BCOR: variants seen among roughly 807,000 people sequenced by gnomAD.
The protein encoded by BCOR is BCL-6 corepressor.
In BCOR, 10 loss-of-function variants were observed where a neutral mutation model predicts 86.7. The observed-to-expected ratio is 0.12, with a 90% CI of 0.07 to 0.20. The LOEUF (loss-of-function observed/expected upper bound fraction) is 0.20, where lower values mean the gene tolerates loss of function less well. BCOR is among the 10% of genes least tolerant of loss of function. The pLI, the probability that BCOR is intolerant of heterozygous loss-of-function variation, is 1.00. For missense variants in BCOR, 1,259 were observed against 1,452.1 expected (o/e 0.87, Z 2.16); for synonymous variants, 611 against 609.0 (o/e 1.00, Z -0.05).
chrX:40,110,671 T>C (rs1229696445), intron 1 of BCOR, among the ~76,000 whole-genome samples: 23 of 4,588 alleles, frequency 5.0e-3, no homozygotes, highest in Non-Finnish European at 7.6e-3. Flanking sequence ...CTTTTTCTTT[T>C]TTTTTTTTTT....
At position 40,126,553 on chromosome X, in the gene BCOR, A is replaced by G. The variant is rs187693760; in HGVS notation, c.-40-48584T>C. ...AAAAAAAAAAGAAAAGAAAAGAAAA[A>G]AAACCACGAAAACAACAACAAAAAA... is the stretch of plus-strand genomic sequence containing the variant. On this transcript the variant is annotated intron_variant, in intron 1 of 14. Coordinates refer to the BCOR transcript ENST00000342274. Among the ~76,000 whole-genome samples, 450 of 110,565 alleles carry G rather than the reference A, an allele frequency of 4.1e-3. 1 individual carries two copies. The highest frequency in any genetic ancestry group is 6.0e-3 in the Non-Finnish European group (314 of 52,752).
At chrX:40,175,070 C>G (rs1284736568) in intron 1 of BCOR, among the ~76,000 whole-genome samples, 2 of 111,465 alleles carry the variant, frequency 1.8e-5, no homozygotes, top group Non-Finnish European at 3.8e-5. Flanking sequence ...CCTCCCCAAG[C>G]ACCAGGAACG....
chrX:40,062,789 A>G lies in BCOR; in HGVS notation c.4130T>C (p.Leu1377Ser), dbSNP rs947103197. ...CACGTAGTATTCCCCTGTCAGTGGC[A>G]ATCCCCGCCTGGACTCCTGAGGGAT... ...HLIPQESRRG[L>S]PLTGEYYVEN... The change falls in exon 9 of 15, where the codon TTG becomes TCG. Residue 1377 changes from leucine to serine, a missense_variant. Around this residue, in one of 7 missense-constraint regions of BCOR, gnomAD observed 305 missense variants for 286.1 expected, o/e 1.07. Transcript: ENST00000378444. 8.3e-7 allele frequency: 1 copy of G among 1,209,516 alleles called. No homozygotes were observed. The highest frequency in any genetic ancestry group is 1.8e-5 in the African/African-American group (1 of 56,964).
rs778248293 is a variant in BCOR, at chrX:40,062,159, C to A, written c.4408G>T (p.Ala1470Ser). 8.3e-7 allele frequency: 1 copy of A among 1,203,091 alleles called. No individual in the cohort carries two copies. Among genetic ancestry groups the A allele is most frequent in the South Asian group, 1.8e-5 (1 of 55,475 alleles). The change falls in exon 10 of 15, where the codon GCA becomes TCA. Residue 1470 changes from alanine to serine, a missense_variant. By Grantham distance (99) the Ala-to-Ser change is moderately conservative. Transcript: ENST00000378444. ...KNAGETLLQR[A>S]ARLGYEEVVL... ...CACACCTCATAGCCAAGCCTGGCTG[C>A]CCGCTGCAGAAGGGTCTCGCCAGCG...
At chrX:40,140,243 A>C (rs1477408043) in intron 1 of BCOR, among the ~76,000 whole-genome samples, 1 of 106,689 alleles carries the variant, frequency 9.4e-6, no homozygotes, top group Admixed American at 1.0e-4. Context: ...GGATCACTTG[A>C]GCCCAGGAGT....
chrX:40,073,567 G>C lies in BCOR; in HGVS notation c.1779C>G (p.Ser593=), dbSNP rs17145652. 1.7e-6 allele frequency: 2 copies of C among 1,212,120 alleles called. No individual in the cohort carries two copies. The highest frequency in any genetic ancestry group is 2.2e-6 in the Non-Finnish European group (2 of 895,647). The part of the protein sequence containing the change: ...TSRSSVETTP[S]VIQHVGQPPA... Reference sequence around the variant, plus strand: ...GGGGCTGGCCCACGTGCTGAATAACGGATGGTGTGGTTTCTACAGAGCTCC... The same window carrying C: ...GGGGCTGGCCCACGTGCTGAATAACCGATGGTGTGGTTTCTACAGAGCTCC... Residue 593 remains serine, a synonymous_variant, in exon 4 of 15, where the codon TCC becomes TCG. Transcript: ENST00000378444.
chrX:40,074,922 G>A lies in BCOR; in HGVS notation c.424C>T (p.Pro142Ser). Residue 142 changes from proline to serine, a missense_variant, in exon 4 of 15, where the codon CCA (proline) becomes TCA (serine). Around this residue, in one of 7 missense-constraint regions of BCOR, gnomAD observed 174 missense variants for 189.3 expected, o/e 0.92. Coordinates refer to ENST00000378444, the MANE Select transcript of BCOR (RefSeq NM_001123385.2). ...VEASAVSGKP[P>S]NGFSAIYKTP... is the part of the protein sequence containing the mutation. ...TTGTATATAGCACTGAAGCCATTTG[G>A]GGGTTTTCCAGAGACGGCAGAAGCC... is the stretch of plus-strand genomic sequence containing the variant. The A allele has an allele frequency of 2.5e-6, 3 of 1,211,147 alleles. No homozygotes were observed. The highest frequency in any genetic ancestry group is 3.4e-6 in the Non-Finnish European group (3 of 895,356).
intron 1 of BCOR, among the ~76,000 whole-genome samples, chrX:40,092,463 G>GAA (rs1245697893): frequency 2.9e-5 from 3 of 101,802 alleles, no homozygotes; most frequent in African/African-American, 1.1e-4. Flanking sequence ...TCCTCCAGAG[G>GAA]AAAAAAAAAA....
At chrX:40,162,480 C>A (rs897366120) in intron 1 of BCOR, among the ~76,000 whole-genome samples, 2 of 111,227 alleles carry the variant, frequency 1.8e-5, no homozygotes, top group East Asian at 5.6e-4. Context: ...CCAGATACAT[C>A]CTGGGAAGCC....
At chrX:40,096,518 T>C (rs1357718295) in intron 1 of BCOR, among the ~76,000 whole-genome samples, 1 of 111,930 alleles carries the variant, frequency 8.9e-6, no homozygotes, top group Non-Finnish European at 1.9e-5. Context: ...TTAGTAGTTT[T>C]TTTTTTTAAT....
At chrX:40,094,136 T>C (rs934312524) in intron 1 of BCOR, among the ~76,000 whole-genome samples, 2 of 111,049 alleles carry the variant, frequency 1.8e-5, no homozygotes, top group African/African-American at 6.6e-5. Context: ...CACCACGGCC[T>C]TTAAAGGGTT....
intron 11 of BCOR, among the ~76,000 whole-genome samples, chrX:40,056,471 G>A (rs1934606707): frequency 9.0e-6 from 1 of 111,001 alleles, no homozygotes; most frequent in Non-Finnish European, 1.9e-5. Flanking sequence ...GCAGGATACA[G>A]AGGCCTCCTA....
intron 1 of BCOR, among the ~76,000 whole-genome samples, chrX:40,083,592 G>A (rs1406648522): frequency 1.8e-5 from 2 of 111,541 alleles, no homozygotes; most frequent in African/African-American, 6.5e-5. Context: ...AGGGGGAGGG[G>A]CGCCCCCTCC....
At chrX:40,122,918 A>G (rs1380480276) in intron 1 of BCOR, among the ~76,000 whole-genome samples, 1 of 110,941 alleles carries the variant, frequency 9.0e-6, no homozygotes, top group Non-Finnish European at 1.9e-5. Context: ...GCTACCCACC[A>G]CTGCCCCGGG....
In BCOR at chrX:40,064,331, C is replaced by A. The variant is rs748850671; in HGVS notation, c.3502+5G>T. On this transcript the variant is annotated splice_donor_5th_base_variant and intron_variant, in intron 7 of 14. Coordinates refer to ENST00000378444, the MANE Select transcript of BCOR (RefSeq NM_001123385.2). ...CGGCAGGCGGGCGAAGCAGACAGGG[C>A]TCACCTTTAGAGACTCGTCGGCGTT... 2 of 1,212,439 alleles carry A rather than the reference C, an allele frequency of 1.6e-6. No individual in the cohort carries two copies. Among genetic ancestry groups the A allele is most frequent in the Admixed American group, 2.2e-5 (1 of 46,181 alleles).
In BCOR at chrX:40,052,254, G is replaced by C; in HGVS notation, c.5123C>G (p.Ser1708Cys). ...GAAGGCTTCCAGGTCTTTGGAGCAAGAGAACAAGAGACTTGCAGAAACCTG... is the reference window on the plus strand; with the variant it reads ...GAAGGCTTCCAGGTCTTTGGAGCAACAGAACAAGAGACTTGCAGAAACCTG... ...YRQVSASLLF[S>C]CSKDLEAFNP... Residue 1708 changes from serine to cysteine, a missense_variant, in exon 15 of 15, where the codon TCT becomes TGT. Physicochemically the swap from Ser to Cys is moderately radical, Grantham distance 112. Around this residue, in one of 7 missense-constraint regions of BCOR, gnomAD observed 137 missense variants for 149.8 expected, o/e 0.91. Transcript: ENST00000378444. 1 of 1,212,026 alleles carries C rather than the reference G, an allele frequency of 8.3e-7. No individual in the cohort carries two copies. The highest frequency in any genetic ancestry group is 1.1e-6 in the Non-Finnish European group (1 of 895,594).
intron 1 of BCOR, among the ~76,000 whole-genome samples, chrX:40,150,956 C>T (rs1026013064): frequency 6.2e-5 from 7 of 112,147 alleles, no homozygotes; most frequent in African/African-American, 2.3e-4. Context: ...TCCATACAGG[C>T]GGGACCTTTT....
At chrX:40,108,952 G>C (rs1937245448) in intron 1 of BCOR, among the ~76,000 whole-genome samples, 1 of 113,009 alleles carries the variant, frequency 8.8e-6, no homozygotes, top group East Asian at 2.8e-4. Context: ...TTCGGTCCCG[G>C]GTCGAAGGAG....
chrX:40,164,438 T>A (rs1362512692), intron 1 of BCOR, among the ~76,000 whole-genome samples: 2 of 112,810 alleles, frequency 1.8e-5, no homozygotes, highest in Non-Finnish European at 3.8e-5. Context: ...AAATTTTTTT[T>A]AAGGAAATTT....
Sources: allele counts gnomAD v4.1 joint callset (sites outside exome capture counted in the v4.1 genomes callset), GRCh38; gene constraint gnomAD v4.1.1; regional missense constraint gnomAD v4.1.1; transcripts MANE v1.5; gene names NCBI Gene and HGNC (gene_info 2026-07-23, HGNC 2026-07-21).